Variants in ABL1 observed in about 807,000 individuals in gnomAD.
The protein encoded by ABL1 is ABL proto-oncogene 1, non-receptor tyrosine kinase, also known as tyrosine-protein kinase ABL1.
A neutral mutation model predicts 94.7 loss-of-function variants in ABL1; 11 were observed. The observed-to-expected ratio is 0.12, with a 90% confidence interval of 0.07 to 0.19. The LOEUF (loss-of-function observed/expected upper bound fraction) is 0.19, where lower values mean the gene tolerates loss of function less well. Ranked by LOEUF, ABL1 falls within the 10% of genes least tolerant of loss-of-function variation. The probability of loss-of-function intolerance (pLI) is 1.00; values close to 1 mark genes in which losing one functional copy is unlikely to be tolerated. For missense variants in ABL1, 1,082 were observed against 1,489.4 expected, an observed-to-expected ratio of 0.73 and a Z score of 4.50; for synonymous variants, 656 against 622.4, an observed-to-expected ratio of 1.05 and a Z score of -0.80.
At chr9:130,804,415 CG>C (rs1830098369) in intron 1 of ABL1, among the ~76,000 whole-genome samples, 1 of 152,000 alleles carries the variant, frequency 6.6e-6, no homozygotes, top group African/African-American at 2.4e-5. Context: ...GGAGAAACCC[CG>C]TCTCTACTAA....
chr9:130,821,287 G>A (rs1830359449), intron 1 of ABL1, among the ~76,000 whole-genome samples: 1 of 152,060 alleles, frequency 6.6e-6, no homozygotes, highest in South Asian at 2.1e-4. Context: ...TTGTCCCTTT[G>A]CAGCAGTCCT....
intron 1 of ABL1, among the ~76,000 whole-genome samples, chr9:130,749,338 G>T (rs559081270): frequency 5.9e-5 from 9 of 152,264 alleles, no homozygotes; most frequent in Admixed American, 3.3e-4. Context: ...GACACTGGGG[G>T]TTTAGTATAA....
intron 6 of ABL1, 95 bp downstream of exon 6, chr9:130,873,132 C>T (rs925532313): frequency 2.3e-6 from 3 of 1,317,364 alleles, no homozygotes; most frequent in South Asian, 1.5e-5. Flanking sequence ...GGTCTCAGGG[C>T]GCAGCTTCTA....
At chr9:130,736,917 A>G (rs1831751771) in intron 1 of ABL1, among the ~76,000 whole-genome samples, 2 of 152,220 alleles carry the variant, frequency 1.3e-5, no homozygotes, top group Non-Finnish European at 2.9e-5. Context: ...TTGCCTATAT[A>G]GAATCCAGTA....
chr9:130,780,130 CA>C (rs1165622071), intron 1 of ABL1, among the ~76,000 whole-genome samples: 1 of 151,854 alleles, frequency 6.6e-6, no homozygotes, highest in East Asian at 1.9e-4. Context: ...CTAAAAACTA[CA>C]AAAAAATACT....
At chr9:130,840,057 C>T (rs559473923) in intron 1 of ABL1, among the ~76,000 whole-genome samples, 1 of 152,266 alleles carries the variant, frequency 6.6e-6, no homozygotes, top group East Asian at 1.9e-4. Flanking sequence ...TAGCAGGGAG[C>T]CTGGCACAGA....
At chr9:130,774,629 G>C (rs1423332361) in intron 1 of ABL1, among the ~76,000 whole-genome samples, 2 of 152,108 alleles carry the variant, frequency 1.3e-5, no homozygotes, top group Admixed American at 6.6e-5. Flanking sequence ...TTCGTGACCA[G>C]ACTGGGCAAC....
intron 1 of ABL1, among the ~76,000 whole-genome samples, chr9:130,827,978 C>A (rs1352382515): frequency 1.4e-5 from 2 of 146,946 alleles, no homozygotes; most frequent in African/African-American, 5.1e-5. Flanking sequence ...AAAAAAAGAA[C>A]TATTCTTTGC....
At position 130,885,307 on chromosome 9, in the gene ABL1, T is replaced by C. The variant is rs778257562; in HGVS notation, c.3017T>C (p.Ile1006Thr). 1.4e-5 allele frequency: 23 copies of C among 1,613,518 alleles called. No individual in the cohort carries two copies. The highest frequency in any genetic ancestry group is 1.9e-5 in the Non-Finnish European group (22 of 1,180,024). ...TCTTCCACCGCCTTCATCCCTCTCA[T>C]ATCAACCCGAGTGTCTCTTCGGAAA... ...QPSSTAFIPL[I>T]STRVSLRKTR... is the part of the protein sequence containing the mutation. The change falls in exon 11 of 11, where the codon ATA becomes ACA. Residue 1006 changes from isoleucine to threonine, a missense_variant. Ile to Thr is a moderately conservative substitution (Grantham distance 89). Around this residue, in one of 7 missense-constraint regions of ABL1, gnomAD observed 780 missense variants for 835.8 expected, o/e 0.93. Coordinates refer to ENST00000318560, the MANE Select transcript of ABL1 (RefSeq NM_005157.6).
At chr9:130,805,313 CG>C (rs1830110760) in intron 1 of ABL1, among the ~76,000 whole-genome samples, 1 of 152,130 alleles carries the variant, frequency 6.6e-6, no homozygotes, top group Non-Finnish European at 1.5e-5. Context: ...CTCCTGACCT[CG>C]TGATTCACCC....
At chr9:130,781,101 A>G (rs1207051302) in intron 1 of ABL1, among the ~76,000 whole-genome samples, 1 of 152,238 alleles carries the variant, frequency 6.6e-6, no homozygotes, top group Non-Finnish European at 1.5e-5. Flanking sequence ...GAGAGCAGTA[A>G]TGGCCCCAAA....
chr9:130,820,678 A>C, intron 1 of ABL1, among the ~76,000 whole-genome samples: 1 of 152,234 alleles, frequency 6.6e-6, no homozygotes, highest in East Asian at 1.9e-4. Context: ...CGTACAGCAC[A>C]GTCTTTCTGT....
At chr9:130,739,674 A>G (rs1158509971) in intron 1 of ABL1, among the ~76,000 whole-genome samples, 1 of 152,204 alleles carries the variant, frequency 6.6e-6, no homozygotes, top group Non-Finnish European at 1.5e-5. Flanking sequence ...ACTCATAATT[A>G]CTGTATGGAT....
At chr9:130,735,959 A>AT (rs1168330887) in intron 1 of ABL1, among the ~76,000 whole-genome samples, 159 of 81,714 alleles carry the variant, frequency 1.9e-3, no homozygotes, top group African/African-American at 7.9e-3. Context: ...ATATATATAT[A>AT]TATTTTTTTT....
intron 1 of ABL1, among the ~76,000 whole-genome samples, chr9:130,749,944 C>G (rs970243734): frequency 1.3e-5 from 2 of 151,482 alleles, no homozygotes; most frequent in Non-Finnish European, 2.9e-5. Flanking sequence ...GAGGCTGAGG[C>G]GGGAGGATCA....
At chr9:130,727,666 T>G (rs1176096716) in intron 1 of ABL1, among the ~76,000 whole-genome samples, 2 of 148,826 alleles carry the variant, frequency 1.3e-5, no homozygotes, top group Non-Finnish European at 3.0e-5. Flanking sequence ...TGAGGCAGGA[T>G]AATCCCTTGA....
intron 1 of ABL1, among the ~76,000 whole-genome samples, chr9:130,776,642 T>C (rs1244983868): frequency 6.6e-6 from 1 of 150,658 alleles, no homozygotes; most frequent in African/African-American, 2.4e-5. Context: ...TGCCTGTTGG[T>C]GGACAGGCTG....
At chr9:130,821,416 TC>T (rs1447871005) in intron 1 of ABL1, among the ~76,000 whole-genome samples, 1 of 152,326 alleles carries the variant, frequency 6.6e-6, no homozygotes, top group East Asian at 1.9e-4. Flanking sequence ...CTGTTTTTTT[TC>T]CCAGCATGTT....
At position 130,881,647 on chromosome 9, in the gene ABL1, G is replaced by C. The variant is rs568259011; in HGVS notation, c.1678+983G>C. ...CACGTGGGGCTTATTACAATTCAAGGTGAGATTTGGGTGGGGACTCAGCCA... is the reference window on the plus strand; with the variant it reads ...CACGTGGGGCTTATTACAATTCAAGCTGAGATTTGGGTGGGGACTCAGCCA... On this transcript the variant is annotated intron_variant, in intron 10 of 10. Coordinates refer to ENST00000318560, the MANE Select transcript of ABL1 (RefSeq NM_005157.6). 5.9e-5 allele frequency among the ~76,000 whole-genome samples: 9 copies of C among 152,258 alleles called. No homozygotes were observed. In the East Asian group the frequency reaches 1.7e-3, roughly 29 times the overall value.
Sources: gnomAD v4.1 joint callset for allele counts (sites outside exome capture counted in the v4.1 genomes callset) on GRCh38, gnomAD v4.1.1 for gene constraint, gnomAD v4.1.1 regional missense constraint, MANE v1.5 for transcripts, NCBI Gene and HGNC (gene_info 2026-07-23, HGNC 2026-07-21) for gene names.